Variants in ZDBF2 observed in about 807,000 individuals in gnomAD.
ZDBF2 encodes zinc finger DBF-type containing 2.
Under a neutral mutation model 9.4 loss-of-function variants are expected in ZDBF2, and 6 were observed. The observed-to-expected ratio is 0.64, with a 90% CI of 0.35 to 1.27. ZDBF2 has a LOEUF of 1.27. Among genes scored for constraint, ZDBF2 ranks in the 50% most tolerant of loss-of-function variants. The probability of loss-of-function intolerance (pLI) is 0.03; values close to 1 mark genes in which losing one functional copy is unlikely to be tolerated. For synonymous variants in ZDBF2, 905 were observed against 946.3 expected (o/e 0.96, Z 0.80); for missense variants, 2,697 against 2,766.8 (o/e 0.97, Z 0.57).
Position 206,306,008 on chromosome 2 carries a change from A to G in ZDBF2, c.1480A>G (p.Thr494Ala), listed in dbSNP as rs756774318. 3.1e-6 allele frequency: 5 copies of G among 1,613,282 alleles called. No homozygotes were observed. The African/African-American group carries it at 6.7e-5, about 22-fold the overall frequency. Residue 494 changes from threonine (T) to alanine (A), a missense_variant, in exon 5 of 5, where the codon ACG becomes GCG. By Grantham distance (58) the Thr-to-Ala change is moderately conservative. Around this residue, in one of 3 missense-constraint regions of ZDBF2, gnomAD observed 910 missense variants for 973.6 expected, o/e 0.93. Coordinates refer to ENST00000374423, the MANE Select transcript of ZDBF2 (RefSeq NM_020923.3). Reference protein sequence around the residue: ...DQSYESSSSETNFDCDASPQS... With the variant: ...DQSYESSSSEANFDCDASPQS... ...AAGCTATGAATCTAGTAGTTCTGAA[A>G]CGAATTTTGATTGTGATGCTTCACC...
intron 4 of ZDBF2, among the ~76,000 whole-genome samples, chr2:206,300,941 C>T (rs1216199030): frequency 1.3e-5 from 2 of 152,040 alleles, no homozygotes; most frequent in Non-Finnish European, 2.9e-5. Flanking sequence ...TAGACACTTC[C>T]TAGAAGGCTA....
chr2:206,291,501 C>T (rs748694545), intron 3 of ZDBF2, among the ~76,000 whole-genome samples: 8 of 152,082 alleles, frequency 5.3e-5, no homozygotes, highest in African/African-American at 1.4e-4. Context: ...AGGGAGACGG[C>T]GATTTCTCTT....
rs1692999518 is a variant in ZDBF2 at position 206,309,185 on chromosome 2, C to T, written c.4657C>T (p.Pro1553Ser). The T allele has an allele frequency of 2.5e-6, 4 of 1,609,506 alleles. No homozygotes were observed. Among genetic ancestry groups the T allele is most frequent in the Non-Finnish European group, 3.4e-6 (4 of 1,177,460 alleles). ...TCCCCTTCAGTTAGTGACTGACCCA[C>T]CTCAGTTGACTGTCAAAGATATCAG... ...DIPLQLVTDP[P>S]QLTVKDISCI... The change falls in exon 5 of 5, where the codon CCT becomes TCT. Residue 1553 changes from proline to serine, a missense_variant. This residue lies in a region of ZDBF2 where 1,783 missense variants were observed against 1,776.5 expected (regional missense o/e 1.00). Coordinates refer to ENST00000374423, the MANE Select transcript of ZDBF2 (RefSeq NM_020923.3).
chr2:206,305,090 G>T lies in ZDBF2; in HGVS notation c.562G>T (p.Ala188Ser). ...CCCCCCAGTGATTTGTAATGCTCCTGCTAGTTGTTTACCTGAAAGCTCTAA... is the reference window on the plus strand; with the variant it reads ...CCCCCCAGTGATTTGTAATGCTCCTTCTAGTTGTTTACCTGAAAGCTCTAA... ...VRPPVICNAPASCLPESSNDR... is the reference protein window; with the variant it reads ...VRPPVICNAPSSCLPESSNDR... Residue 188 changes from alanine to serine, a missense_variant, in exon 5 of 5, where the codon GCT becomes TCT. Physicochemically the swap from Ala to Ser is moderately conservative, Grantham distance 99. Around this residue, in one of 3 missense-constraint regions of ZDBF2, gnomAD observed 910 missense variants for 973.6 expected, o/e 0.93. Transcript: ENST00000374423. The T allele has an allele frequency of 6.2e-7, 1 of 1,613,764 alleles. No homozygotes were observed. Among genetic ancestry groups the T allele is most frequent in the Non-Finnish European group, 8.5e-7 (1 of 1,179,786 alleles).
In ZDBF2 at chr2:206,305,291, A is replaced by G. The variant is rs1692718160; in HGVS notation, c.763A>G (p.Lys255Glu). The change falls in exon 5 of 5, where the codon AAA (lysine) becomes GAA (glutamate). Residue 255 changes from lysine (K) to glutamate (E), a missense_variant. Physicochemically the swap from Lys to Glu is moderately conservative, Grantham distance 56 (BLOSUM62 1). Transcript: ENST00000374423. ...TACTTCATTTTCGTATCAGAAACAT[A>G]AAGAATCAAATAGGAAATCTTTACG... ...ETTSFSYQKHKESNRKSLRMN... is the reference protein window; with the variant it reads ...ETTSFSYQKHEESNRKSLRMN... 6.2e-7 allele frequency: 1 copy of G among 1,612,926 alleles called. No individual in the cohort carries two copies. Among genetic ancestry groups the G allele is most frequent in the African/African-American group, 1.3e-5 (1 of 75,014 alleles).
At position 206,310,270 on chromosome 2, in the gene ZDBF2, T is replaced by C. The variant is rs1468602928; in HGVS notation, c.5742T>C (p.Asp1914=). Residue 1914 remains aspartate (D), a synonymous_variant, in exon 5 of 5, where the codon GAT becomes GAC. Transcript: ENST00000374423. ...SDIDDLSVAL[D]KPCHRHPPAE... is the part of the protein sequence containing the mutation. ...TTGATGACTTGTCAGTGGCCTTAGA[T>C]AAACCATGCCATCGTCATCCTCCAG... 1.9e-6 allele frequency: 3 copies of C among 1,613,902 alleles called. No individual in the cohort carries two copies. Among genetic ancestry groups the C allele is most frequent in the Non-Finnish European group, 2.5e-6 (3 of 1,179,886 alleles).
chr2:206,287,857 T>A (rs1398934881), intron 3 of ZDBF2, among the ~76,000 whole-genome samples: 2 of 152,156 alleles, frequency 1.3e-5, no homozygotes, highest in Non-Finnish European at 2.9e-5. Flanking sequence ...ATCTCTGTAT[T>A]GTATTTTTTA....
chr2:206,304,242 A>C (rs1346911067), intron 4 of ZDBF2, among the ~76,000 whole-genome samples: 1 of 152,224 alleles, frequency 6.6e-6, no homozygotes, highest in Non-Finnish European at 1.5e-5. Context: ...ATGTGTTAAG[A>C]TAATAATAGC....
intron 4 of ZDBF2, among the ~76,000 whole-genome samples, chr2:206,304,149 G>T (rs1469388297): frequency 6.6e-6 from 1 of 152,108 alleles, no homozygotes; most frequent in Non-Finnish European, 1.5e-5. Flanking sequence ...TCTACATAGA[G>T]GTTAACCAGT....
intron 4 of ZDBF2, among the ~76,000 whole-genome samples, chr2:206,298,380 T>C (rs560462872): frequency 2.0e-5 from 3 of 152,324 alleles, no homozygotes; most frequent in East Asian, 1.9e-4. Context: ...CTTCTTTGCC[T>C]TGCAAATCAC....
Position 206,304,644 on chromosome 2 carries a change from T to C in ZDBF2, c.189-73T>C, listed in dbSNP as rs1382873627. 26 of 1,505,596 alleles carry C rather than the reference T, an allele frequency of 1.7e-5. No individual in the cohort carries two copies. The East Asian group carries it at 5.7e-4, about 33-fold the overall frequency. The allele number at this position is 1,505,596 out of a possible 1,614,324, so 93.3% of individuals were successfully genotyped here. A position where few individuals can be genotyped will look rare whatever the true frequency, so the allele number is the denominator to read the frequency against. On this transcript the variant is annotated intron_variant, in intron 4 of 4. Transcript: ENST00000374423. ...GTCCAGAACAGAAAGCAAATAACATTTATTATGCCTCTATTTTAATATTTT... is the reference window on the plus strand; with the variant it reads ...GTCCAGAACAGAAAGCAAATAACATCTATTATGCCTCTATTTTAATATTTT...
intron 3 of ZDBF2, among the ~76,000 whole-genome samples, chr2:206,283,054 T>A (rs1343944617): frequency 6.6e-6 from 1 of 152,256 alleles, no homozygotes; most frequent in Non-Finnish European, 1.5e-5. Context: ...ACCTCGTTCC[T>A]TTTTATGGCT....
intron 1 of ZDBF2, among the ~76,000 whole-genome samples, chr2:206,276,045 G>A (rs1690981790): frequency 6.6e-6 from 1 of 152,084 alleles, no homozygotes; most frequent in Admixed American, 6.6e-5. Context: ...ATTGGAGGCA[G>A]TGTTTTTTCA....
chr2:206,308,147 C>T lies in ZDBF2; in HGVS notation c.3619C>T (p.Leu1207Phe). 3 of 1,613,946 alleles carry T rather than the reference C, an allele frequency of 1.9e-6. No individual in the cohort carries two copies. The South Asian group carries it at 3.3e-5, about 18-fold the overall frequency. Residue 1207 changes from leucine (L) to phenylalanine (F), a missense_variant, in exon 5 of 5, where the codon CTT becomes TTT. By Grantham distance (22) the Leu-to-Phe change is conservative. Transcript: ENST00000374423. ...SEVSFDSDDP[L>F]QSVADRLRET... ...AGTAAGTTTTGATTCTGATGACCCT[C>T]TTCAGTCAGTGGCTGACCGGCTGAG... is the stretch of plus-strand genomic sequence containing the variant.
chr2:206,299,913 G>T (rs945205358), intron 4 of ZDBF2, among the ~76,000 whole-genome samples: 1 of 152,014 alleles, frequency 6.6e-6, no homozygotes, highest in African/African-American at 2.4e-5. Context: ...TTTGAGACCA[G>T]CCTGACCAAC....
Position 206,305,166 on chromosome 2 carries a change from T to G in ZDBF2, c.638T>G (p.Leu213Trp), listed in dbSNP as rs2105949764. 6.2e-7 allele frequency: 1 copy of G among 1,613,886 alleles called. No homozygotes were observed. Among genetic ancestry groups the G allele is most frequent in the South Asian group, 1.1e-5 (1 of 91,074 alleles). The change falls in exon 5 of 5, where the codon TTG (leucine) becomes TGG (tryptophan). Residue 213 changes from leucine (L) to tryptophan (W), a missense_variant. Leu to Trp is a moderately conservative substitution (Grantham distance 61). Transcript: ENST00000374423. ...ACTAGTTTACCACCAGCAGCTCATT[T>G]GGATTCAGTTAGCAAATGTGACCCA... ...NTTSLPPAAH[L>W]DSVSKCDPNK...
intron 1 of ZDBF2, among the ~76,000 whole-genome samples, chr2:206,276,008 A>G (rs751462485): frequency 1.1e-4 from 17 of 152,204 alleles, no homozygotes; most frequent in Non-Finnish European, 2.1e-4. Flanking sequence ...ACTGGTTTCT[A>G]TAAAATATGG....
rs774925429 is a variant in ZDBF2 at position 206,310,871 on chromosome 2, G to A, written c.6343G>A (p.Gly2115Arg). ...APLMAVPARY[G>R]FNSHQGTSDS... ...TTTAATGGCAGTGCCGGCAAGATATGGATTTAATTCACATCAGGGAACCAG... is the reference window on the plus strand; with the variant it reads ...TTTAATGGCAGTGCCGGCAAGATATAGATTTAATTCACATCAGGGAACCAG... The change falls in exon 5 of 5, where the codon GGA becomes AGA. Residue 2115 changes from glycine (G) to arginine (R), a missense_variant. This residue lies in a region of ZDBF2 where 1,783 missense variants were observed against 1,776.5 expected (regional missense o/e 1.00). Coordinates refer to ENST00000374423, the MANE Select transcript of ZDBF2 (RefSeq NM_020923.3). 1.2e-6 allele frequency: 2 copies of A among 1,613,834 alleles called. No individual in the cohort carries two copies. Among genetic ancestry groups the A allele is most frequent in the Middle Eastern group, 1.6e-4 (1 of 6,062 alleles).
In ZDBF2 at chr2:206,305,186, G is replaced by A. The variant is rs1258002724; in HGVS notation, c.658G>A (p.Asp220Asn). ...AAHLDSVSKC[D>N]PNKVEKYLEQ... The stretch of plus-strand genomic sequence containing the variant: ...TCATTTGGATTCAGTTAGCAAATGT[G>A]ACCCAAACAAAGTTGAGAAATATCT... Residue 220 changes from aspartate (D) to asparagine (N), a missense_variant, in exon 5 of 5, where the codon GAC becomes AAC. Transcript: ENST00000374423. The A allele has an allele frequency of 6.2e-7, 1 of 1,613,742 alleles. No individual in the cohort carries two copies. Among genetic ancestry groups the A allele is most frequent in the Non-Finnish European group, 8.5e-7 (1 of 1,179,838 alleles).
Sources: gnomAD v4.1 joint callset for allele counts (sites outside exome capture counted in the v4.1 genomes callset) on GRCh38, gnomAD v4.1.1 for gene constraint, gnomAD v4.1.1 regional missense constraint, MANE v1.5 for transcripts, NCBI Gene and HGNC (gene_info 2026-07-23, HGNC 2026-07-21) for gene names.